ECT2: variants seen among roughly 807,000 people sequenced by gnomAD.
ECT2 encodes epithelial cell transforming 2.
Under a neutral mutation model 116.9 loss-of-function variants are expected in ECT2, and 61 were observed. The observed-to-expected ratio is 0.52, with a 90% CI of 0.42 to 0.65. The LOEUF is 0.65. Ranked by LOEUF, ECT2 falls within the 30% of genes least tolerant of loss-of-function variation. ECT2 has a pLI of 0.00. For synonymous variants in ECT2, 358 were observed against 346.4 expected (o/e 1.03, Z -0.37); for missense variants, 937 against 1,078.7 (o/e 0.87, Z 1.84).
Position 172,774,093 on chromosome 3 carries a change from A to G in ECT2, c.1548+71A>G, listed in dbSNP as rs938881547. The G allele has an allele frequency of 4.3e-5, 63 of 1,458,540 alleles. 1 individual carries two copies. The African/African-American group carries it at 8.3e-4, about 19-fold the overall frequency. 90.3% of individuals were successfully genotyped at this position (1,458,540 alleles called of 1,614,324 possible). On this transcript the variant is annotated intron_variant, in intron 14 of 24. Transcript: ENST00000392692. ...ACATATTTATTATGATCTTTGAGGTACTTCTGGTTAGCTAAATAAGTTTTG... is the reference window on the plus strand; with the variant it reads ...ACATATTTATTATGATCTTTGAGGTGCTTCTGGTTAGCTAAATAAGTTTTG...
Position 172,752,111 on chromosome 3 carries a change from A to C in ECT2, c.-23+1254A>C, listed in dbSNP as rs867928402. On this transcript the variant is annotated intron_variant, in intron 1 of 24. Coordinates refer to ENST00000392692, the MANE Select transcript of ECT2 (RefSeq NM_001258315.2). ...CTTAAAGAGGGAGGCATAGGAGAAA[A>C]ATGTAAATATTTTCAAGAAGTTTTT... The C allele has an allele frequency of 7.2e-4, 109 of 152,024 alleles. No individual in the cohort carries two copies. In the Middle Eastern group the frequency reaches 0.01, roughly 14 times the overall value. The allele number at this position is 152,024 out of a possible 1,614,324, so 9.4% of individuals were successfully genotyped here.
chr3:172,754,525 C>G lies in ECT2; in HGVS notation c.-6C>G, dbSNP rs1463382043. The G allele has an allele frequency of 6.3e-7, 1 of 1,588,014 alleles. No individual in the cohort carries two copies. The highest frequency in any genetic ancestry group is 1.9e-5 in the Admixed American group (1 of 53,414). The stretch of plus-strand genomic sequence containing the variant: ...TTTTTTCAGCTGATTTAGAAGAATA[C>G]AAATCATGGCTGAAAATAGTGTATT... On this transcript the variant is annotated 5_prime_UTR_variant, in exon 2 of 25. Transcript: ENST00000392692.
intron 5 of ECT2, among the ~76,000 whole-genome samples, chr3:172,758,178 G>A (rs1371507857): frequency 1.3e-5 from 2 of 152,096 alleles, no homozygotes; most frequent in Non-Finnish European, 2.9e-5. Context: ...TTTTTAAACA[G>A]CATTTCAATA....
intron 6 of ECT2, among the ~76,000 whole-genome samples, chr3:172,759,385 A>G (rs1717761261): frequency 6.6e-6 from 1 of 152,180 alleles, no homozygotes; most frequent in African/African-American, 2.4e-5. Context: ...TTATTATGCA[A>G]GTTCAGCCTG....
chr3:172,798,542 A>G (rs1481913282), intron 18 of ECT2, among the ~76,000 whole-genome samples: 1 of 152,198 alleles, frequency 6.6e-6, no homozygotes, highest in Non-Finnish European at 1.5e-5. Flanking sequence ...AAAATGAATT[A>G]TACAAGATTG....
At chr3:172,784,945 TA>T (rs1056231113) in intron 17 of ECT2, 142 bp downstream of exon 17, 14 of 489,790 alleles carry the variant, frequency 2.9e-5, no homozygotes, top group African/African-American at 2.4e-4. Flanking sequence ...TGGATTATCT[TA>T]AAAAATAGTT....
At chr3:172,769,193 T>TA (rs1720139857) in intron 13 of ECT2, 50 bp downstream of exon 13, 2 of 1,503,650 alleles carry the variant, frequency 1.3e-6, no homozygotes. Flanking sequence ...TGTTCCTAAG[T>TA]AAAAAAATCT....
chr3:172,759,627 G>C (rs1576845930), intron 6 of ECT2, among the ~76,000 whole-genome samples: 1 of 151,930 alleles, frequency 6.6e-6, no homozygotes, highest in East Asian at 1.9e-4. Flanking sequence ...TGTATTTTTA[G>C]TAGAGATGGG....
At chr3:172,816,284 T>A (rs1234195807) in intron 23 of ECT2, among the ~76,000 whole-genome samples, 2 of 152,162 alleles carry the variant, frequency 1.3e-5, no homozygotes, top group African/African-American at 4.8e-5. Context: ...ATTTTAATAA[T>A]TTTTGTATCT....
At chr3:172,813,531 G>C (rs534378974) in intron 22 of ECT2, among the ~76,000 whole-genome samples, 1 of 151,944 alleles carries the variant, frequency 6.6e-6, no homozygotes, top group Admixed American at 6.6e-5. Context: ...TAATATTTTC[G>C]TATACAAAGA....
chr3:172,760,738 T>TTTTG (rs1463727009), intron 7 of ECT2, among the ~76,000 whole-genome samples: 7 of 129,402 alleles, frequency 5.4e-5, no homozygotes, highest in South Asian at 2.5e-4. Context: ...TTTTTTTTTT[T>TTTTG]GAGACTGAGT....
At chr3:172,788,678 C>T (rs755848963) in intron 18 of ECT2, among the ~76,000 whole-genome samples, 12 of 152,094 alleles carry the variant, frequency 7.9e-5, no homozygotes, top group Non-Finnish European at 1.3e-4. Context: ...ATAAAAGTTA[C>T]GTTTACACTA....
intron 20 of ECT2, 25 bp downstream of exon 20, chr3:172,803,005 A>C: frequency 6.4e-7 from 1 of 1,572,226 alleles, no homozygotes; most frequent in Non-Finnish European, 8.6e-7. Context: ...CACATAGTAT[A>C]ATAACACTAC....
At chr3:172,824,065 AG>A (rs2064639974), downstream of ECT2, among the ~76,000 whole-genome samples, 1 of 152,134 alleles carries the variant, frequency 6.6e-6, no homozygotes, top group African/African-American at 2.4e-5. Context: ...AGGTTCTGAA[AG>A]AACTATCTAG....
At chr3:172,790,778 G>A (rs1456066458) in intron 18 of ECT2, among the ~76,000 whole-genome samples, 2 of 152,186 alleles carry the variant, frequency 1.3e-5, no homozygotes, top group African/African-American at 2.4e-5. Context: ...CAGAGCTCTT[G>A]GATGACCAGG....
At chr3:172,807,160 GTAC>G (rs1230065958) in intron 21 of ECT2, among the ~76,000 whole-genome samples, 1 of 152,130 alleles carries the variant, frequency 6.6e-6, no homozygotes, top group Non-Finnish European at 1.5e-5. Flanking sequence ...ATCTTCCTAT[GTAC>G]TGTAAGTCAT....
chr3:172,785,987 C>G (rs1385640018), intron 17 of ECT2, among the ~76,000 whole-genome samples: 2 of 152,124 alleles, frequency 1.3e-5, no homozygotes, highest in African/African-American at 2.4e-5. Context: ...CTAGATTAAA[C>G]CTAGATTTGA....
At chr3:172,771,152 A>AG (rs1418300627) in intron 13 of ECT2, 3 of 152,162 alleles carry the variant, frequency 2.0e-5, no homozygotes, top group Non-Finnish European at 4.4e-5. Flanking sequence ...TTTCCAAATT[A>AG]GCACTGATTA....
chr3:172,796,092 A>C (rs1430098223), intron 18 of ECT2, among the ~76,000 whole-genome samples: 1 of 152,234 alleles, frequency 6.6e-6, no homozygotes, highest in Admixed American at 6.5e-5. Context: ...TTTTTAGTTA[A>C]ATAATAATTT....
Sources: gnomAD v4.1 joint callset for allele counts (sites outside exome capture counted in the v4.1 genomes callset) on GRCh38, gnomAD v4.1.1 for gene constraint, MANE v1.5 for transcripts, NCBI Gene and HGNC (gene_info 2026-07-23, HGNC 2026-07-21) for gene names.